The following TFEC variants were observed in gnomAD, a reference collection of about 807,000 sequenced individuals.
TFEC encodes class E basic helix-loop-helix protein 34.
Under a neutral mutation model 41.6 loss-of-function variants are expected in TFEC, and 31 were observed. The ratio of observed to expected loss-of-function variants is 0.74; its 90% CI spans 0.56 to 1.01. TFEC has a LOEUF of 1.01. Ranked by LOEUF, TFEC falls within the 50% of genes least tolerant of loss-of-function variation. The probability of loss-of-function intolerance (pLI) is 0.00; values close to 1 mark genes in which losing one functional copy is unlikely to be tolerated. For synonymous variants in TFEC, 143 were observed against 140.6 expected (o/e 1.02, Z -0.12); for missense variants, 402 against 404.1 (o/e 0.99, Z 0.04).
intron 3 of TFEC, among the ~76,000 whole-genome samples, chr7:115,968,721 C>A (rs1323829456): frequency 6.6e-6 from 1 of 151,750 alleles, no homozygotes; most frequent in Admixed American, 6.6e-5. Context: ...TTCTATAGTT[C>A]TATGCAATGG....
intron 1 of TFEC, among the ~76,000 whole-genome samples, chr7:115,998,432 C>A (rs1278720833): frequency 6.6e-6 from 1 of 151,384 alleles, no homozygotes; most frequent in East Asian, 1.9e-4. Flanking sequence ...GACCACATAA[C>A]AAACAGAAAA....
chr7:116,087,091 A>T (rs1033951736), intron 3 of TFEC, among the ~76,000 whole-genome samples: 8 of 152,090 alleles, frequency 5.3e-5, no homozygotes, highest in African/African-American at 1.4e-4. Context: ...CGGTGCATGA[A>T]TTACAATTGA....
intron 1 of TFEC, among the ~76,000 whole-genome samples, chr7:116,003,500 G>A (rs779957095): frequency 9.2e-5 from 14 of 151,974 alleles, no homozygotes; most frequent in Non-Finnish European, 1.8e-4. Context: ...CAAAAACACA[G>A]GGAACGGCAA....
chr7:116,072,911 G>A (rs1171216018), intron 3 of TFEC, among the ~76,000 whole-genome samples: 1 of 151,404 alleles, frequency 6.6e-6, no homozygotes, highest in East Asian at 1.9e-4. Context: ...AACAATACAA[G>A]GATACCCACT....
At chr7:116,020,784 G>A (rs959015957) in intron 1 of TFEC, among the ~76,000 whole-genome samples, 1 of 151,342 alleles carries the variant, frequency 6.6e-6, no homozygotes, top group African/African-American at 2.4e-5. Flanking sequence ...TTTTTTTTAA[G>A]TACAGGAGAT....
chr7:116,137,191 C>A (rs539498622), intron 1 of TFEC, among the ~76,000 whole-genome samples: 1 of 152,102 alleles, frequency 6.6e-6, no homozygotes, highest in East Asian at 1.9e-4. Flanking sequence ...TGATCTTTTC[C>A]CCCAAGGTAA....
At chr7:115,976,575 G>A (rs1793389307) in intron 2 of TFEC, among the ~76,000 whole-genome samples, 1 of 152,158 alleles carries the variant, frequency 6.6e-6, no homozygotes, top group African/African-American at 2.4e-5. Context: ...AAAGAAGCTA[G>A]GTTAATAGAT....
intron 3 of TFEC, chr7:115,968,348 T>A: frequency 1.4e-6 from 2 of 1,435,744 alleles, no homozygotes; most frequent in Non-Finnish European, 1.8e-6. Context: ...TTAAGACTAA[T>A]CTTGTCTAGA....
At chr7:116,079,617 T>C (rs540557860) in intron 3 of TFEC, among the ~76,000 whole-genome samples, 1 of 152,062 alleles carries the variant, frequency 6.6e-6, no homozygotes, top group East Asian at 1.9e-4. Flanking sequence ...GAAATATACC[T>C]AACCAAGAAC....
chr7:115,947,780 T>C (rs1791686040), intron 6 of TFEC, among the ~76,000 whole-genome samples: 1 of 152,066 alleles, frequency 6.6e-6, no homozygotes, highest in African/African-American at 2.4e-5. Flanking sequence ...TGTTTTTTCT[T>C]GTAAATTTGT....
At chr7:116,129,668 C>T (rs1248222766) in intron 1 of TFEC, among the ~76,000 whole-genome samples, 3 of 146,304 alleles carry the variant, frequency 2.1e-5, no homozygotes, top group African/African-American at 7.7e-5. Flanking sequence ...TCTCAGCTCA[C>T]TGCAACCTCT....
chr7:116,019,247 C>A (rs539222091), intron 1 of TFEC, among the ~76,000 whole-genome samples: 232 of 152,268 alleles, frequency 1.5e-3, no homozygotes, highest in African/African-American at 5.3e-3. Flanking sequence ...ACTTTTACAA[C>A]AATTTCATCT....
chr7:116,043,354 T>G (rs1185131806), intron 3 of TFEC, among the ~76,000 whole-genome samples: 1 of 151,998 alleles, frequency 6.6e-6, no homozygotes. Context: ...TGCCTCACAC[T>G]CTACAAACAG....
intron 1 of TFEC, among the ~76,000 whole-genome samples, chr7:115,993,912 A>T (rs1362781069): frequency 6.6e-6 from 1 of 152,240 alleles, no homozygotes; most frequent in Non-Finnish European, 1.5e-5. Flanking sequence ...ATCCTAAGCC[A>T]AAAGAACAAA....
In TFEC at chr7:116,096,590, T is replaced by G. The variant is rs988787446; in HGVS notation, c.198+14118A>C. The stretch of plus-strand genomic sequence containing the variant: ...ATACTGAGAGTCCTCTTACTATGCG[T>G]TTTTTTTTTCCACTTGTATATCTTC... On this transcript the variant is annotated intron_variant, in intron 3 of 8. Coordinates refer to the TFEC transcript ENST00000484212. 5.7e-5 allele frequency among the ~76,000 whole-genome samples: 6 copies of G among 104,846 alleles called. No individual in the cohort carries two copies. In the East Asian group the frequency reaches 8.5e-4, roughly 15 times the overall value. 68.8% of individuals were successfully genotyped at this position (104,846 alleles called of 152,430 possible).
chr7:115,959,104 A>C (rs1209493128), intron 3 of TFEC, among the ~76,000 whole-genome samples: 1 of 151,878 alleles, frequency 6.6e-6, no homozygotes, highest in Non-Finnish European at 1.5e-5. Context: ...TTTTATGAAG[A>C]AATATTTATT....
chr7:116,017,516 C>T (rs371024863), intron 1 of TFEC, among the ~76,000 whole-genome samples: 14 of 152,120 alleles, frequency 9.2e-5, no homozygotes, highest in African/African-American at 3.4e-4. Flanking sequence ...CCACCACACC[C>T]GGCACTTTCC....
chr7:116,081,492 G>C (rs1011717593), intron 3 of TFEC, among the ~76,000 whole-genome samples: 9 of 151,954 alleles, frequency 5.9e-5, no homozygotes, highest in African/African-American at 2.2e-4. Flanking sequence ...TCTTCTCTAT[G>C]ACCACTGCCC....
intron 3 of TFEC, among the ~76,000 whole-genome samples, chr7:116,085,076 G>A (rs1405230195): frequency 6.6e-6 from 1 of 151,822 alleles, no homozygotes; most frequent in Non-Finnish European, 1.5e-5. Flanking sequence ...AGAATAAAAA[G>A]GAGCCAGTCA....
Sources: allele counts gnomAD v4.1 joint callset (sites outside exome capture counted in the v4.1 genomes callset), GRCh38; gene constraint gnomAD v4.1.1; transcripts MANE v1.5; gene names NCBI Gene and HGNC (gene_info 2026-07-23, HGNC 2026-07-21).